Variants in L3MBTL2 observed in about 807,000 individuals in gnomAD.
L3MBTL2 encodes lethal(3)malignant brain tumor-like protein 2.
L3MBTL2 carries 49 observed loss-of-function variants against 86.4 expected under a neutral mutation model. The ratio of observed to expected loss-of-function variants is 0.57; its 90% CI spans 0.45 to 0.72. The LOEUF (loss-of-function observed/expected upper bound fraction) is 0.72, where lower values mean the gene tolerates loss of function less well. Ranked by LOEUF, L3MBTL2 falls within the 30% of genes least tolerant of loss-of-function variation. The probability of loss-of-function intolerance (pLI) is 0.00; values close to 1 mark genes in which losing one functional copy is unlikely to be tolerated. For synonymous variants in L3MBTL2, 336 were observed against 350.6 expected (o/e 0.96, Z 0.47); for missense variants, 755 against 923.7 (o/e 0.82, Z 2.37).
intron 8 of L3MBTL2, 134 bp from the exon 9 acceptor site, chr22:41,223,886 C>T: frequency 1.4e-6 from 1 of 697,922 alleles, no homozygotes; most frequent in Non-Finnish European, 2.5e-6. Flanking sequence ...CGCAGGCAGT[C>T]TCATCTGCCA....
chr22:41,225,011 G>T lies in L3MBTL2; in HGVS notation c.1296G>T (p.Met432Ile). Residue 432 changes from methionine (M) to isoleucine (I), a missense_variant, in exon 11 of 17, where the codon ATG (methionine) becomes ATT (isoleucine). Physicochemically the swap from Met to Ile is conservative, Grantham distance 10. Around this residue, in one of 3 missense-constraint regions of L3MBTL2, gnomAD observed 634 missense variants for 748.9 expected, o/e 0.85. Coordinates refer to ENST00000216237, the MANE Select transcript of L3MBTL2 (RefSeq NM_031488.5). This position sits in a 1 kb window ranked among gnomAD's most constrained non-coding sequence, Gnocchi z 4.1. ...AAGGCGGTTGGTTTGAGGAAGGGAT[G>T]AAGCTGGAGGCCATTGACCCCCTGA... ...YTEGGWFEEG[M>I]KLEAIDPLNL... is the part of the protein sequence containing the mutation. 6.2e-7 allele frequency: 1 copy of T among 1,614,080 alleles called. No individual in the cohort carries two copies. The highest frequency in any genetic ancestry group is 8.5e-7 in the Non-Finnish European group (1 of 1,179,970).
chr22:41,230,090 T>G, intron 16 of L3MBTL2, 49 bp from the exon 17 acceptor site: 1 of 256,762 alleles, frequency 3.9e-6, no homozygotes, highest in East Asian at 6.9e-5. Context: ...CCCCCACCCC[T>G]CCCAGAGTTA....
chr22:41,210,280 G>T (rs903716081), intron 2 of L3MBTL2, among the ~76,000 whole-genome samples: 4 of 151,212 alleles, frequency 2.6e-5, no homozygotes, highest in Admixed American at 1.3e-4. Flanking sequence ...CTTCCAAGTA[G>T]CTGGGACTAC....
rs775789360 is a variant in L3MBTL2 at position 41,229,652 on chromosome 22, C to T, written c.2001C>T (p.Gly667=). ...ARKISSEPVP[G]EIIAVRVKEE... ...AGATCTCGTCGGAGCCTGTTCCTGG[C>T]GAGAGTAAGAGCCACCGGGCTGGGT... is the stretch of plus-strand genomic sequence containing the variant. Residue 667 remains glycine, a synonymous_variant, in exon 16 of 17, where the codon GGC becomes GGT. Coordinates refer to ENST00000216237, the MANE Select transcript of L3MBTL2 (RefSeq NM_031488.5). 2.1e-5 allele frequency: 34 copies of T among 1,613,308 alleles called. No individual in the cohort carries two copies. Among genetic ancestry groups the T allele is most frequent in the South Asian group, 1.6e-4 (15 of 91,044 alleles).
intron 8 of L3MBTL2, among the ~76,000 whole-genome samples, chr22:41,223,789 T>C (rs551852700): frequency 6.6e-6 from 1 of 152,358 alleles, no homozygotes; most frequent in African/African-American, 2.4e-5. Flanking sequence ...CTGCAAGCCG[T>C]GTGCCTTCCC....
chr22:41,211,052 A>G (rs139441), intron 2 of L3MBTL2, among the ~76,000 whole-genome samples: 63,655 of 151,842 alleles, frequency 0.42, 14,101 homozygotes, highest in African/African-American at 0.56. Flanking sequence ...GAGAATCCCT[A>G]TGGATCATCT....
In L3MBTL2 at chr22:41,224,101, A is replaced by G. The variant is rs1333088286; in HGVS notation, c.1024A>G (p.Met342Val). 1.9e-6 allele frequency: 3 copies of G among 1,614,120 alleles called. No homozygotes were observed. Among genetic ancestry groups the G allele is most frequent in the East Asian group, 2.2e-5 (1 of 44,876 alleles). ...CAAGTCCCAGGTGTCACGCACTCGC[A>G]TGGCTGTGGTGGACACAGTAATCGG... is the stretch of plus-strand genomic sequence containing the variant. ...VDKSQVSRTR[M>V]AVVDTVIGGR... The change falls in exon 9 of 17, where the codon ATG becomes GTG. Residue 342 changes from methionine (M) to valine (V), a missense_variant. Physicochemically the swap from Met to Val is conservative, Grantham distance 21. Transcript: ENST00000216237. The surrounding 1 kb of genome is among the most constrained non-coding windows in gnomAD (Gnocchi z 4.9).
intron 1 of L3MBTL2, 114 bp downstream of exon 1, chr22:41,205,500 A>T (rs1420371059): frequency 7.9e-7 from 1 of 1,273,122 alleles, no homozygotes; most frequent in Admixed American, 1.7e-5. Context: ...GGGAGGATGG[A>T]TAAACTGAGG....
intron 5 of L3MBTL2, 34 bp downstream of exon 5, chr22:41,217,236 G>T (rs148922357): frequency 6.4e-7 from 1 of 1,562,984 alleles, no homozygotes; most frequent in Non-Finnish European, 8.8e-7. Context: ...GGGAGGCCGG[G>T]GAGCCGGGCC....
Position 41,224,059 on chromosome 22 carries a change from C to T in L3MBTL2, c.982C>T (p.Arg328Trp), listed in dbSNP as rs2032016357. The change falls in exon 9 of 17, where the codon CGG (arginine) becomes TGG (tryptophan). Residue 328 changes from arginine to tryptophan, a missense_variant. Coordinates refer to ENST00000216237, the MANE Select transcript of L3MBTL2 (RefSeq NM_031488.5). This position sits in a 1 kb window ranked among gnomAD's most constrained non-coding sequence, Gnocchi z 4.9. Reference protein sequence around the residue: ...SMKYPFRQGMRLEVVDKSQVS... With the variant: ...SMKYPFRQGMWLEVVDKSQVS... ...GAAGTACCCCTTTAGGCAGGGCATG[C>T]GGCTGGAAGTGGTGGACAAGTCCCA... is the stretch of plus-strand genomic sequence containing the variant. The T allele has an allele frequency of 6.2e-7, 1 of 1,614,150 alleles. No individual in the cohort carries two copies. The highest frequency in any genetic ancestry group is 8.5e-7 in the Non-Finnish European group (1 of 1,180,004).
Position 41,227,364 on chromosome 22 carries a change from C to T in L3MBTL2, c.1822+41C>T, listed in dbSNP as rs1400048215. 3.9e-6 allele frequency: 6 copies of T among 1,525,742 alleles called. No individual in the cohort carries two copies. The highest frequency in any genetic ancestry group is 3.9e-5 in the Admixed American group (2 of 51,204). 94.5% of individuals were successfully genotyped at this position (1,525,742 alleles called of 1,614,324 possible). A position where few individuals can be genotyped will look rare whatever the true frequency, so the allele number is the denominator to read the frequency against. On this transcript the variant is annotated intron_variant, in intron 14 of 16. Coordinates refer to ENST00000216237, the MANE Select transcript of L3MBTL2 (RefSeq NM_031488.5). The surrounding 1 kb of genome is among the most constrained non-coding windows in gnomAD (Gnocchi z 6.0). ...GCCCTAAGAGGCTCTGACTTTCTTT[C>T]CTCTTCTTTTTTCCTTCTTCCCCCG...
At chr22:41,207,266 C>G (rs978328558) in intron 1 of L3MBTL2, among the ~76,000 whole-genome samples, 2 of 87,128 alleles carry the variant, frequency 2.3e-5, no homozygotes, top group Non-Finnish European at 4.4e-5. Flanking sequence ...TTTTTTGAAA[C>G]AGGGTTGCTC....
chr22:41,226,622 T>C (rs1366672681), intron 12 of L3MBTL2, 40 bp from the exon 13 acceptor site: 2 of 1,431,182 alleles, frequency 1.4e-6, no homozygotes, highest in East Asian at 4.5e-5. Context: ...ACTTCCTGCT[T>C]CCCCCTCTCC....
At chr22:41,228,383 C>A (rs542909584) in intron 15 of L3MBTL2, 3 of 985,488 alleles carry the variant, frequency 3.0e-6, no homozygotes, top group Non-Finnish European at 3.6e-6. Context: ...GGTGGGGCCT[C>A]ACTCTACAGA....
rs1231549544 is a variant in L3MBTL2, at chr22:41,224,607, A to G, written c.1175-118A>G. ...GGGTGGGGGGTCCTGAGATACAGAGATACAGCTGAGAACACGTGCAGAGCA... is the reference window on the plus strand; with the variant it reads ...GGGTGGGGGGTCCTGAGATACAGAGGTACAGCTGAGAACACGTGCAGAGCA... On this transcript the variant is annotated intron_variant, in intron 9 of 16. Transcript: ENST00000216237. The surrounding 1 kb of genome is among the most constrained non-coding windows in gnomAD (Gnocchi z 4.9). The G allele has an allele frequency of 6.7e-6, 5 of 742,842 alleles. No homozygotes were observed. In the East Asian group the frequency reaches 1.3e-4, roughly 19 times the overall value. 46.0% of individuals were successfully genotyped at this position (742,842 alleles called of 1,614,324 possible).
Position 41,224,279 on chromosome 22 carries a change from T to G in L3MBTL2, c.1174+28T>G. ...TAGCAGAGCCCCAGGCCAGAGGGACTGCATGCTGTGCTTCCCCAGGGACGG... is the reference window on the plus strand; with the variant it reads ...TAGCAGAGCCCCAGGCCAGAGGGACGGCATGCTGTGCTTCCCCAGGGACGG... On this transcript the variant is annotated intron_variant, in intron 9 of 16. Transcript: ENST00000216237. The surrounding 1 kb of genome is among the most constrained non-coding windows in gnomAD (Gnocchi z 4.9). 1 of 1,556,216 alleles carries G rather than the reference T, an allele frequency of 6.4e-7. No individual in the cohort carries two copies. The highest frequency in any genetic ancestry group is 8.8e-7 in the Non-Finnish European group (1 of 1,131,182).
intron 7 of L3MBTL2, 127 bp downstream of exon 7, chr22:41,220,995 C>T (rs2145597693): frequency 8.6e-7 from 1 of 1,163,656 alleles, no homozygotes; most frequent in East Asian, 2.6e-5. Context: ...TGCCCCCTGG[C>T]TTCCTGCCCT....
intron 6 of L3MBTL2, among the ~76,000 whole-genome samples, chr22:41,219,951 C>G (rs912487479): frequency 2.6e-5 from 4 of 152,116 alleles, no homozygotes; most frequent in Non-Finnish European, 4.4e-5. Flanking sequence ...ACTATCTTGG[C>G]CAGGCTGGTC....
intron 2 of L3MBTL2, among the ~76,000 whole-genome samples, chr22:41,211,841 G>C (rs1474100814): frequency 7.1e-6 from 1 of 141,252 alleles, no homozygotes; most frequent in Non-Finnish European, 1.5e-5. Flanking sequence ...ACAGGCGTGA[G>C]CCACCGCACC....
Sources: allele counts gnomAD v4.1 joint callset (sites outside exome capture counted in the v4.1 genomes callset), GRCh38; gene constraint gnomAD v4.1.1; regional missense constraint gnomAD v4.1.1; non-coding constraint Gnocchi (gnomAD v3.1); transcripts MANE v1.5; gene names NCBI Gene and HGNC (gene_info 2026-07-23, HGNC 2026-07-21).